PLEKHA5: variants seen among roughly 807,000 people sequenced by gnomAD.
The protein encoded by PLEKHA5 is pleckstrin homology domain-containing family A member 5.
Under a neutral mutation model 181.9 loss-of-function variants are expected in PLEKHA5, and 55 were observed. The ratio of observed to expected loss-of-function variants is 0.30; its 90% CI spans 0.24 to 0.38. The LOEUF (loss-of-function observed/expected upper bound fraction) is 0.38. Among genes scored for constraint, PLEKHA5 ranks in the 10% least tolerant of loss-of-function variants. The pLI is 1.00. For missense variants in PLEKHA5, 1,432 were observed against 1,549.5 expected, an observed-to-expected ratio of 0.92 and a Z score of 1.27; for synonymous variants, 535 against 529.4, an observed-to-expected ratio of 1.01 and a Z score of -0.15.
At chr12:19,267,667 A>AC (rs201893104) in intron 8 of PLEKHA5, among the ~76,000 whole-genome samples, 6 of 135,548 alleles carry the variant, frequency 4.4e-5, no homozygotes, top group Non-Finnish European at 6.2e-5. Context: ...CCCTCCCCCA[A>AC]CCCCCCAAAA....
chr12:19,336,997 T>TC (rs2093477396), intron 21 of PLEKHA5, among the ~76,000 whole-genome samples: 1 of 148,468 alleles, frequency 6.7e-6, no homozygotes, highest in Non-Finnish European at 1.5e-5. Flanking sequence ...TTTTTTTTTT[T>TC]TTTTTTTGAG....
At chr12:19,232,171 T>G (rs2060727667) in intron 3 of PLEKHA5, among the ~76,000 whole-genome samples, 1 of 152,190 alleles carries the variant, frequency 6.6e-6, no homozygotes. Flanking sequence ...GTACATACTT[T>G]CCATCTGTTG....
chr12:19,347,195 A>C lies in PLEKHA5; in HGVS notation c.2898+13A>C. On this transcript the variant is annotated intron_variant, in intron 24 of 31. Coordinates refer to ENST00000429027, the MANE Select transcript of PLEKHA5 (RefSeq NM_001256470.2). The stretch of plus-strand genomic sequence containing the variant: ...TGGATCTCACTGTGTAAGTGGCTGG[A>C]ATAGCCACAGAATAATCAATCCTAC... The C allele has an allele frequency of 1.4e-6, 2 of 1,439,530 alleles. No individual in the cohort carries two copies. Among genetic ancestry groups the C allele is most frequent in the Non-Finnish European group, 1.9e-6 (2 of 1,050,018 alleles). 89.2% of individuals were successfully genotyped at this position (1,439,530 alleles called of 1,614,324 possible).
intron 4 of PLEKHA5, 48 bp downstream of exon 4, chr12:19,254,071 A>G: frequency 9.3e-7 from 1 of 1,069,946 alleles, no homozygotes; most frequent in East Asian, 2.4e-5. Flanking sequence ...TTGGGTTAGC[A>G]TTGAAATTGC....
At chr12:19,369,593 A>G (rs1235541177) in intron 30 of PLEKHA5, 100 bp from the exon 31 acceptor site, 5 of 645,246 alleles carry the variant, frequency 7.7e-6, no homozygotes, top group Admixed American at 3.0e-5. Context: ...TTCCTTCTCA[A>G]AACATGTTCT....
chr12:19,248,417 C>G (rs1213401267), intron 3 of PLEKHA5, among the ~76,000 whole-genome samples: 2 of 152,098 alleles, frequency 1.3e-5, no homozygotes, highest in African/African-American at 4.8e-5. Context: ...AGGCTGGTCT[C>G]AAACTCCCGG....
chr12:19,157,157 C>T (rs1199459248), intron 3 of PLEKHA5, among the ~76,000 whole-genome samples: 1 of 150,960 alleles, frequency 6.6e-6, no homozygotes, highest in Non-Finnish European at 1.5e-5. Context: ...AGCTTACCCT[C>T]GTATATGTTA....
At chr12:19,174,795 A>G (rs1170175912) in intron 3 of PLEKHA5, among the ~76,000 whole-genome samples, 1 of 152,182 alleles carries the variant, frequency 6.6e-6, no homozygotes, top group Non-Finnish European at 1.5e-5. Flanking sequence ...TTTTATCTGT[A>G]CAATAGATTT....
intron 3 of PLEKHA5, among the ~76,000 whole-genome samples, chr12:19,225,174 G>A (rs2059520656): frequency 6.6e-6 from 1 of 152,080 alleles, no homozygotes; most frequent in Non-Finnish European, 1.5e-5. Flanking sequence ...GCTACTTTCA[G>A]TCCGCTTTCC....
chr12:19,218,395 T>C (rs1218921417), intron 3 of PLEKHA5, among the ~76,000 whole-genome samples: 1 of 152,178 alleles, frequency 6.6e-6, no homozygotes, highest in African/African-American at 2.4e-5. Flanking sequence ...TGCCAGTGAT[T>C]TTTTAAAAAG....
At chr12:19,205,318 A>G in intron 3 of PLEKHA5, 4 of 949,158 alleles carry the variant, frequency 4.2e-6, no homozygotes, top group South Asian at 9.8e-5. Context: ...TATAGTGGAA[A>G]GAGCAGAAAA....
chr12:19,257,595 T>G (rs2067208544), intron 6 of PLEKHA5, 58 bp downstream of exon 6: 2 of 884,316 alleles, frequency 2.3e-6, no homozygotes, highest in African/African-American at 1.7e-5. Flanking sequence ...CCTTTTAAAC[T>G]GAATGTACCT....
At chr12:19,343,496 G>A in intron 22 of PLEKHA5, 62 bp downstream of exon 22, 2 of 922,548 alleles carry the variant, frequency 2.2e-6, no homozygotes, top group Non-Finnish European at 3.5e-6. Flanking sequence ...GTGTCGCTTG[G>A]TGACAGATTA....
chr12:19,369,655 A>C (rs775703893), intron 30 of PLEKHA5, 38 bp from the exon 31 acceptor site: 10 of 1,302,750 alleles, frequency 7.7e-6, no homozygotes, highest in Non-Finnish European at 9.9e-6. Context: ...TGTGTCTTAA[A>C]GATTTTTATC....
chr12:19,285,985 C>A (rs1468823669), intron 12 of PLEKHA5, among the ~76,000 whole-genome samples: 1 of 152,176 alleles, frequency 6.6e-6, no homozygotes, highest in Non-Finnish European at 1.5e-5. Flanking sequence ...ATTTGATAGA[C>A]ACACTTTCTC....
intron 3 of PLEKHA5, among the ~76,000 whole-genome samples, chr12:19,228,695 A>C (rs571624508): frequency 1.3e-5 from 2 of 152,198 alleles, no homozygotes; most frequent in African/African-American, 4.8e-5. Context: ...TAGCATATCT[A>C]ATATTCTCAC....
At chr12:19,259,473 G>A (rs2067788599) in intron 6 of PLEKHA5, among the ~76,000 whole-genome samples, 1 of 152,020 alleles carries the variant, frequency 6.6e-6, no homozygotes, top group South Asian at 2.1e-4. Flanking sequence ...GAAGATGGCT[G>A]GGTGTGATGG....
Position 19,130,329 on chromosome 12 carries a change from C to A in PLEKHA5, c.169+199C>A, listed in dbSNP as rs1337611842. 6.6e-6 allele frequency among the ~76,000 whole-genome samples: 1 copy of A among 151,974 alleles called. No individual in the cohort carries two copies. The highest frequency in any genetic ancestry group is 1.5e-5 in the Non-Finnish European group (1 of 67,938). On this transcript the variant is annotated intron_variant, in intron 2 of 31. Coordinates refer to ENST00000429027, the MANE Select transcript of PLEKHA5 (RefSeq NM_001256470.2). This position sits in a 1 kb window ranked among gnomAD's most constrained non-coding sequence, Gnocchi z 4.5. ...AGTTCTCTCCAGTCTCGGGGCGCCT[C>A]TTTCTCCTCAGCCTTTCATCAGCAC...
intron 20 of PLEKHA5, among the ~76,000 whole-genome samples, chr12:19,327,247 GTT>G (rs55983306): frequency 1.4e-5 from 2 of 138,540 alleles, no homozygotes; most frequent in Non-Finnish European, 3.1e-5. Context: ...ATCTGTTTTT[GTT>G]TTTTTTTTTT....
Sources: gnomAD v4.1 joint callset for allele counts (sites outside exome capture counted in the v4.1 genomes callset) on GRCh38, gnomAD v4.1.1 for gene constraint, Gnocchi (gnomAD v3.1) non-coding constraint, MANE v1.5 for transcripts, NCBI Gene and HGNC (gene_info 2026-07-23, HGNC 2026-07-21) for gene names.